CTNNA3: variants seen among roughly 807,000 people sequenced by gnomAD.
CTNNA3 encodes catenin alpha 3, also known as catenin alpha-3.
CTNNA3 carries 76 observed loss-of-function variants against 95.7 expected under a neutral mutation model. That is an observed-to-expected ratio of 0.79 (90% CI 0.66 to 0.96). The LOEUF (loss-of-function observed/expected upper bound fraction) is 0.96, where lower values mean the gene tolerates loss of function less well. Among genes scored for constraint, CTNNA3 ranks in the 40% least tolerant of loss-of-function variants. The probability of loss-of-function intolerance (pLI) is 0.00; values close to 1 mark genes in which losing one functional copy is unlikely to be tolerated. For missense variants in CTNNA3, 1,191 were observed against 1,089.8 expected, an observed-to-expected ratio of 1.09 and a Z score of -1.31; for synonymous variants, 431 against 374.4, an observed-to-expected ratio of 1.15 and a Z score of -1.74.
intron 12 of CTNNA3, among the ~76,000 whole-genome samples, chr10:66,281,090 G>A (rs2091483794): frequency 6.6e-6 from 1 of 151,756 alleles, no homozygotes; most frequent in Admixed American, 6.6e-5. Context: ...GCTAAAAGTA[G>A]TAATTCTGCC....
intron 12 of CTNNA3, among the ~76,000 whole-genome samples, chr10:66,335,643 T>A: frequency 6.6e-6 from 1 of 152,026 alleles, no homozygotes; most frequent in Non-Finnish European, 1.5e-5. Context: ...TGCCCCTACT[T>A]TGGGGTGCCT....
chr10:67,017,595 T>C (rs1852734268), intron 7 of CTNNA3, among the ~76,000 whole-genome samples: 1 of 152,208 alleles, frequency 6.6e-6, no homozygotes, highest in South Asian at 2.1e-4. Flanking sequence ...GAAACTCATA[T>C]GGCTCTACCT....
chr10:66,055,417 T>C (rs2080060000), intron 15 of CTNNA3, among the ~76,000 whole-genome samples: 1 of 152,184 alleles, frequency 6.6e-6, no homozygotes, highest in Admixed American at 6.5e-5. Context: ...TACAGTTTTA[T>C]TGTACAGATA....
chr10:66,692,551 CAGA>C (rs1847590480), intron 9 of CTNNA3, among the ~76,000 whole-genome samples: 1 of 152,066 alleles, frequency 6.6e-6, no homozygotes, highest in Non-Finnish European at 1.5e-5. Flanking sequence ...GGATATTATC[CAGA>C]AGAACTTCCC....
intron 10 of CTNNA3, among the ~76,000 whole-genome samples, chr10:66,569,497 A>T (rs562610134): frequency 6.6e-6 from 1 of 152,210 alleles, no homozygotes; most frequent in African/African-American, 2.4e-5. Flanking sequence ...TCTCAGTACT[A>T]TGACTCATTA....
intron 7 of CTNNA3, among the ~76,000 whole-genome samples, chr10:67,066,132 C>G (rs1267056625): frequency 6.6e-6 from 1 of 150,852 alleles, no homozygotes; most frequent in African/African-American, 2.4e-5. Flanking sequence ...ATCTAACTTT[C>G]TCAATACCAT....
intron 11 of CTNNA3, among the ~76,000 whole-genome samples, chr10:66,490,414 G>T (rs142773407): frequency 1.3e-5 from 2 of 152,224 alleles, no homozygotes; most frequent in African/African-American, 4.8e-5. Flanking sequence ...AATTTGTAAT[G>T]CTTGAAGCCT....
chr10:67,272,957 T>C (rs187561988), intron 5 of CTNNA3, among the ~76,000 whole-genome samples: 12 of 152,274 alleles, frequency 7.9e-5, no homozygotes, highest in Non-Finnish European at 1.6e-4. Flanking sequence ...TTATTTTCTT[T>C]AATCATCTCA....
chr10:67,467,750 A>T (rs943302995), intron 5 of CTNNA3, among the ~76,000 whole-genome samples: 3 of 151,882 alleles, frequency 2.0e-5, no homozygotes, highest in Non-Finnish European at 4.4e-5. Context: ...CCTCACTGTC[A>T]CTTAGGCTGG....
intron 3 of CTNNA3, among the ~76,000 whole-genome samples, chr10:67,595,724 T>C (rs187187678): frequency 2.4e-3 from 372 of 152,308 alleles, no homozygotes; most frequent in Middle Eastern, 0.01. Context: ...ATTCTGTCAG[T>C]AGGGTGTTGA....
rs1995260 is a variant in CTNNA3, at chr10:67,620,783, C to T, written c.100-13734G>A. 9.9e-5 allele frequency among the ~76,000 whole-genome samples: 15 copies of T among 151,628 alleles called. No homozygotes were observed. The East Asian group carries it at 2.1e-3, about 22-fold the overall frequency. ...TATGGTATCTTGCAAATCAAGATTG[C>T]GAATGCAAACTGTTTCCTAAAAGAA... On this transcript the variant is annotated intron_variant, in intron 2 of 17. Transcript: ENST00000433211.
At chr10:67,244,439 C>T (rs1865833307) in intron 5 of CTNNA3, among the ~76,000 whole-genome samples, 2 of 152,156 alleles carry the variant, frequency 1.3e-5, no homozygotes. Flanking sequence ...CTAGATTCAT[C>T]TGATCGAGGA....
chr10:66,331,137 T>A lies in CTNNA3; in HGVS notation c.1732+48015A>T. Among the ~76,000 whole-genome samples the A allele has an allele frequency of 1.3e-5, 2 of 151,980 alleles. 1 individual carries two copies. ...TTTGGTGTCTTAGACATGAAGTCCT[T>A]GCCCATACCTATGTCCTGAATGGTA... On this transcript the variant is annotated intron_variant, in intron 12 of 17. Coordinates refer to ENST00000433211, the MANE Select transcript of CTNNA3 (RefSeq NM_013266.4).
At chr10:66,108,901 A>G (rs1366234401) in intron 13 of CTNNA3, among the ~76,000 whole-genome samples, 3 of 152,114 alleles carry the variant, frequency 2.0e-5, no homozygotes, top group Non-Finnish European at 2.9e-5. Context: ...CCTTGCCTAA[A>G]GAAAAGTATA....
At chr10:67,105,711 A>C (rs2131956933) in intron 7 of CTNNA3, among the ~76,000 whole-genome samples, 1 of 152,306 alleles carries the variant, frequency 6.6e-6, no homozygotes, top group African/African-American at 2.4e-5. Flanking sequence ...TGATTTTTAA[A>C]GTCCTCTCTA....
intron 5 of CTNNA3, among the ~76,000 whole-genome samples, chr10:67,463,170 G>A (rs1264402732): frequency 2.0e-5 from 3 of 152,156 alleles, no homozygotes; most frequent in African/African-American, 7.2e-5. Flanking sequence ...CTCCTAAAGT[G>A]CTGGGATTAT....
At chr10:66,114,646 G>A (rs1002352924) in intron 13 of CTNNA3, among the ~76,000 whole-genome samples, 4 of 151,618 alleles carry the variant, frequency 2.6e-5, no homozygotes, top group East Asian at 1.9e-4. Flanking sequence ...TTTGGGAGGC[G>A]GAAGCAGGCA....
At chr10:67,070,354 T>C (rs1260371071) in intron 7 of CTNNA3, among the ~76,000 whole-genome samples, 3 of 152,160 alleles carry the variant, frequency 2.0e-5, no homozygotes, top group Non-Finnish European at 4.4e-5. Context: ...TGACTGTCTT[T>C]TCATTCTCTT....
intron 9 of CTNNA3, among the ~76,000 whole-genome samples, chr10:66,736,483 G>A (rs1229732605): frequency 8.6e-5 from 13 of 151,528 alleles, no homozygotes; most frequent in East Asian, 1.9e-4. Flanking sequence ...GTGATCTGCC[G>A]CACCCAGGCA....
Sources: gnomAD v4.1 joint callset for allele counts (sites outside exome capture counted in the v4.1 genomes callset) on GRCh38, gnomAD v4.1.1 for gene constraint, MANE v1.5 for transcripts, NCBI Gene and HGNC (gene_info 2026-07-23, HGNC 2026-07-21) for gene names.